Variants in MICAL2 observed in about 807,000 individuals in gnomAD.
MICAL2 encodes [F-actin]-monooxygenase MICAL2.
In MICAL2, 77 loss-of-function variants were observed where a neutral mutation model predicts 127.3. The observed-to-expected ratio is 0.60, with a 90% CI of 0.50 to 0.73. The LOEUF (loss-of-function observed/expected upper bound fraction) is 0.73. Ranked by LOEUF, MICAL2 falls within the 30% of genes least tolerant of loss-of-function variation. MICAL2 has a pLI of 0.00. For synonymous variants in MICAL2, 570 were observed against 551.1 expected (o/e 1.03, Z -0.48); for missense variants, 1,351 against 1,434.4 (o/e 0.94, Z 0.94).
intron 16 of MICAL2, among the ~76,000 whole-genome samples, chr11:12,236,954 A>G (rs760563002): frequency 6.6e-6 from 1 of 152,212 alleles, no homozygotes; most frequent in Non-Finnish European, 1.5e-5. Flanking sequence ...GATGACTTAG[A>G]GGCATGAGGG....
rs541544129 is a variant in MICAL2 at position 12,183,146 on chromosome 11, A to G, written c.264+20727A>G. Among the ~76,000 whole-genome samples the G allele has an allele frequency of 5.4e-5, 8 of 149,464 alleles. No individual in the cohort carries two copies. The East Asian group carries it at 1.6e-3, about 29-fold the overall frequency. On this transcript the variant is annotated intron_variant, in intron 3 of 27. Transcript: ENST00000683283. ...GTGGGGGAGATGGCTTAATGCCTTCATGAAACCATATCCTGACTCCTTTTT... is the reference window on the plus strand; with the variant it reads ...GTGGGGGAGATGGCTTAATGCCTTCGTGAAACCATATCCTGACTCCTTTTT...
intron 3 of MICAL2, among the ~76,000 whole-genome samples, chr11:12,198,357 C>T (rs17477991): frequency 0.23 from 35,555 of 152,184 alleles, 5,129 homozygotes; most frequent in Non-Finnish European, 0.31. Context: ...GTGTTAACCC[C>T]ATCTCTCATG....
intron 2 of MICAL2, chr11:12,153,345 A>T (rs1590094725): frequency 6.6e-6 from 1 of 152,188 alleles, no homozygotes; most frequent in Admixed American, 6.5e-5. Flanking sequence ...GGCCCATTTT[A>T]ACTATTTTTA....
chr11:12,312,702 A>C (rs1864187843), intron 29 of MICAL2, among the ~76,000 whole-genome samples: 1 of 152,220 alleles, frequency 6.6e-6, no homozygotes, highest in Admixed American at 6.5e-5. Context: ...TAGGTTCAAC[A>C]AAATATGGAT....
intron 32 of MICAL2, among the ~76,000 whole-genome samples, chr11:12,333,752 G>A (rs1938692249): frequency 6.6e-6 from 1 of 151,994 alleles, no homozygotes; most frequent in South Asian, 2.1e-4. Flanking sequence ...AGAAAATGAA[G>A]TAATAAAGAT....
At chr11:12,269,275 G>A (rs990131218) in intron 24 of MICAL2, among the ~76,000 whole-genome samples, 1 of 152,192 alleles carries the variant, frequency 6.6e-6, no homozygotes, top group African/African-American at 2.4e-5. Context: ...GAGAAACTTA[G>A]AGTTCTTCCT....
intron 31 of MICAL2, among the ~76,000 whole-genome samples, chr11:12,326,573 C>T (rs967027265): frequency 7.9e-5 from 12 of 152,186 alleles, no homozygotes; most frequent in Non-Finnish European, 1.5e-5. Context: ...AGGCACAGTA[C>T]ACTTCCACAA....
chr11:12,195,539 CA>C (rs1160080213), intron 3 of MICAL2, among the ~76,000 whole-genome samples: 1 of 150,306 alleles, frequency 6.7e-6, no homozygotes, highest in Admixed American at 6.7e-5. Context: ...GAAATGTTGC[CA>C]AAAAATGTTG....
chr11:12,236,574 C>G (rs117281599), intron 16 of MICAL2, among the ~76,000 whole-genome samples: 1 of 152,240 alleles, frequency 6.6e-6, no homozygotes, highest in African/African-American at 2.4e-5. Context: ...CAATATACAA[C>G]CACTGTTAAC....
chr11:12,291,442 C>T (rs897441707), downstream of MICAL2, among the ~76,000 whole-genome samples: 7 of 152,232 alleles, frequency 4.6e-5, no homozygotes, highest in South Asian at 2.1e-4. Context: ...ATGATCTCAG[C>T]CCCCCACAGC....
At chr11:12,224,478 T>G (rs1024717862) in intron 12 of MICAL2, 195 bp from the exon 13 acceptor site, 23 of 613,676 alleles carry the variant, frequency 3.7e-5, no homozygotes, top group African/African-American at 3.7e-4. Flanking sequence ...TCTCCCCTCC[T>G]GCCACACTCC....
At chr11:12,277,663 C>G (rs1269326624) in intron 1 of MICAL2, among the ~76,000 whole-genome samples, 2 of 152,150 alleles carry the variant, frequency 1.3e-5, no homozygotes, top group African/African-American at 4.8e-5. Context: ...GAGATTACAC[C>G]AGGAAGGAAG....
chr11:12,288,737 G>A (rs1863857763), downstream of MICAL2, among the ~76,000 whole-genome samples: 1 of 152,168 alleles, frequency 6.6e-6, no homozygotes, highest in Admixed American at 6.5e-5. Context: ...GCGTACAAAG[G>A]GAGGACATGG....
At chr11:12,331,906 G>A (rs1938640223) in intron 32 of MICAL2, among the ~76,000 whole-genome samples, 1 of 152,022 alleles carries the variant, frequency 6.6e-6, no homozygotes. Flanking sequence ...TTCTCAAATT[G>A]TATTTATTTG....
chr11:12,239,067 A>C lies in MICAL2; in HGVS notation c.2065-369A>C, dbSNP rs75438018. The stretch of plus-strand genomic sequence containing the variant: ...GTATTTTTGAAAACCATTTTGTTCA[A>C]CACTTCATGATTATACTTGGTTTTT... On this transcript the variant is annotated intron_variant, in intron 16 of 27. Coordinates refer to ENST00000683283, the MANE Select transcript of MICAL2 (RefSeq NM_001282663.2). 2.5e-3 allele frequency among the ~76,000 whole-genome samples: 374 copies of C among 152,234 alleles called. 2 individuals carry two copies. The highest frequency in any genetic ancestry group is 8.4e-3 in the African/African-American group (349 of 41,520).
chr11:12,191,731 C>T (rs1399658209), intron 3 of MICAL2, among the ~76,000 whole-genome samples: 2 of 152,088 alleles, frequency 1.3e-5, no homozygotes, highest in Admixed American at 6.5e-5. Flanking sequence ...TGTACCACTG[C>T]ACTCCAGCTT....
At chr11:12,335,450 G>T (rs375481107) in intron 32 of MICAL2, among the ~76,000 whole-genome samples, 2 of 151,918 alleles carry the variant, frequency 1.3e-5, no homozygotes, top group East Asian at 3.9e-4. Flanking sequence ...AGAAGCTCTT[G>T]AGTTTAATTA....
chr11:12,354,679 T>G (rs1244207717), intron 33 of MICAL2: 4 of 862,024 alleles, frequency 4.6e-6, no homozygotes, highest in Non-Finnish European at 7.1e-6. Flanking sequence ...AACTCCAGTC[T>G]TAATTAGGAA....
chr11:12,216,163 G>A (rs1856124348), intron 7 of MICAL2, 56 bp from the exon 8 acceptor site: 2 of 1,313,592 alleles, frequency 1.5e-6, no homozygotes, highest in South Asian at 2.4e-5. Flanking sequence ...ACAGTTCCTG[G>A]CACACAGTTG....
Sources: gnomAD v4.1 joint callset for allele counts (sites outside exome capture counted in the v4.1 genomes callset) on GRCh38, gnomAD v4.1.1 for gene constraint, MANE v1.5 for transcripts, NCBI Gene and HGNC (gene_info 2026-07-23, HGNC 2026-07-21) for gene names.